PRKCZ: variants seen among roughly 807,000 people sequenced by gnomAD.
PRKCZ encodes protein kinase C zeta.
In PRKCZ, 33 loss-of-function variants were observed where a neutral mutation model predicts 79.5. The observed-to-expected ratio is 0.41, with a 90% confidence interval of 0.31 to 0.55. PRKCZ has a LOEUF of 0.55. Ranked by LOEUF, PRKCZ falls within the 20% of genes least tolerant of loss-of-function variation. The pLI is 0.19. For missense variants in PRKCZ, 578 were observed against 813.5 expected (o/e 0.71, Z 3.52); for synonymous variants, 342 against 320.9 (o/e 1.07, Z -0.70).
At chr1:2,107,988 G>A (rs561473853) in intron 4 of PRKCZ, among the ~76,000 whole-genome samples, 1 of 151,894 alleles carries the variant, frequency 6.6e-6, no homozygotes, top group African/African-American at 2.4e-5. Context: ...TGTCAAGGGA[G>A]CCCCCCAACC....
chr1:2,114,803 T>C (rs1307550403), intron 4 of PRKCZ, among the ~76,000 whole-genome samples: 4 of 152,094 alleles, frequency 2.6e-5, no homozygotes, highest in Non-Finnish European at 4.4e-5. Context: ...AAGAAAAAGC[T>C]AAGATGCAGC....
In PRKCZ at chr1:2,058,282, C is replaced by T. The variant is rs145250688; in HGVS notation, c.284-1259C>T. On this transcript the variant is annotated intron_variant, in intron 3 of 17. Coordinates refer to ENST00000378567, the MANE Select transcript of PRKCZ (RefSeq NM_002744.6). ...CTTCCTGAAGTGTTGGGATTACAGG[C>T]GTGAGCCACGGTGCCCGGCCCCAAT... 3.8e-3 allele frequency among the ~76,000 whole-genome samples: 571 copies of T among 150,360 alleles called. 4 individuals are homozygous for T. The highest frequency in any genetic ancestry group is 0.013 in the African/African-American group (530 of 40,832).
rs76824565 is a variant in PRKCZ at position 2,124,375 on chromosome 1, G to A, written c.335-10887G>A. Among the ~76,000 whole-genome samples, 17 of 18,476 alleles carry A rather than the reference G, an allele frequency of 9.2e-4. 3 individuals carry two copies. The highest frequency in any genetic ancestry group is 2.7e-3 in the African/African-American group (7 of 2,596). 12.1% of individuals were successfully genotyped at this position (18,476 alleles called of 152,430 possible). ...CGGCGGTGGTTAGGGTCACGGCGGC[G>A]GTTAGGGTCACGGCGGTGGTTAGGG... On this transcript the variant is annotated intron_variant, in intron 4 of 17. Coordinates refer to ENST00000378567, the MANE Select transcript of PRKCZ (RefSeq NM_002744.6).
chr1:2,131,904 C>T (rs547790482), intron 4 of PRKCZ, among the ~76,000 whole-genome samples: 23 of 152,308 alleles, frequency 1.5e-4, no homozygotes, highest in African/African-American at 3.8e-4. Context: ...CTCCACCTCC[C>T]GGGTTCACGC....
intron 6 of PRKCZ, 167 bp downstream of exon 6, chr1:2,144,508 G>C: frequency 2.8e-6 from 4 of 1,433,400 alleles, no homozygotes; most frequent in Non-Finnish European, 3.7e-6. Context: ...TCTTGGATAG[G>C]ACCCATCTTC....
chr1:2,174,872 C>A lies in PRKCZ; in HGVS notation c.1485+39C>A. On this transcript the variant is annotated intron_variant, in intron 15 of 17. Coordinates refer to ENST00000378567, the MANE Select transcript of PRKCZ (RefSeq NM_002744.6). This position sits in a 1 kb window ranked among gnomAD's most constrained non-coding sequence, Gnocchi z 6.2. ...CATGCTGACAAAATCTCGTTTGTGG[C>A]CTCGGTGTTGGTGGGCAGAGGGCCA... 1 of 1,596,300 alleles carries A rather than the reference C, an allele frequency of 6.3e-7. No homozygotes were observed. Among genetic ancestry groups the A allele is most frequent in the African/African-American group, 1.3e-5 (1 of 74,654 alleles).
At chr1:2,156,166 G>A (rs1167394931) in intron 10 of PRKCZ, 74 bp downstream of exon 10, 9 of 1,403,244 alleles carry the variant, frequency 6.4e-6, no homozygotes, top group African/African-American at 1.4e-5. Flanking sequence ...AGTCTGGTGT[G>A]ATGTGTCAAC....
At position 2,149,361 on chromosome 1, in the gene PRKCZ, C is replaced by T. The variant is rs1261150117; in HGVS notation, c.687+437C>T. 1.3e-5 allele frequency among the ~76,000 whole-genome samples: 2 copies of T among 152,256 alleles called. No homozygotes were observed. Among genetic ancestry groups the T allele is most frequent in the Non-Finnish European group, 2.9e-5 (2 of 68,042 alleles). On this transcript the variant is annotated intron_variant, in intron 8 of 17. Transcript: ENST00000378567. The surrounding 1 kb of genome is among the most constrained non-coding windows in gnomAD (Gnocchi z 4.1). ...ACTTGAGCCAAGAGGCTCAACTGAG[C>T]CTCACGTCTGTGGCCAGCTCTGCAC...
intron 4 of PRKCZ, chr1:2,111,873 C>G (rs550193368): frequency 1.3e-5 from 2 of 152,394 alleles, no homozygotes; most frequent in South Asian, 4.1e-4. Flanking sequence ...CACCACCAGG[C>G]TTCTGGATGT....
chr1:2,184,523 C>G, intron 16 of PRKCZ, 60 bp from the exon 17 acceptor site: 1 of 1,297,234 alleles, frequency 7.7e-7, no homozygotes, highest in Non-Finnish European at 1.1e-6. Context: ...GTGCAAAACA[C>G]TCAATCTGGT....
intron 9 of PRKCZ, among the ~76,000 whole-genome samples, chr1:2,154,041 G>A (rs1557693127): frequency 6.6e-6 from 1 of 152,174 alleles, no homozygotes; most frequent in African/African-American, 2.4e-5. Context: ...ACTCAGTTTG[G>A]GTGCTGAGTG....
chr1:2,080,102 G>A (rs997442278), intron 4 of PRKCZ, among the ~76,000 whole-genome samples: 5 of 152,184 alleles, frequency 3.3e-5, no homozygotes, highest in African/African-American at 1.2e-4. Context: ...TGGTGGCCAC[G>A]GGGCCCTCTG....
intron 10 of PRKCZ, among the ~76,000 whole-genome samples, chr1:2,161,748 A>G (rs1381706175): frequency 6.6e-6 from 1 of 152,050 alleles, no homozygotes; most frequent in Non-Finnish European, 1.5e-5. Flanking sequence ...AGGTCATGGC[A>G]TCTCCCCTTC....
chr1:2,136,545 C>T (rs1277073626), intron 5 of PRKCZ, among the ~76,000 whole-genome samples: 1 of 152,106 alleles, frequency 6.6e-6, no homozygotes, highest in African/African-American at 2.4e-5. Context: ...AGAGTCCAGC[C>T]AGTGTCTGGG....
intron 4 of PRKCZ, among the ~76,000 whole-genome samples, chr1:2,097,736 G>T (rs1260150584): frequency 6.6e-6 from 1 of 152,220 alleles, no homozygotes. Flanking sequence ...AGTGGCCCAG[G>T]ACTTGGGATG....
Position 2,165,335 on chromosome 1 carries a change from A to G in PRKCZ, c.975-4183A>G, listed in dbSNP as rs530750685. Reference sequence around the variant, plus strand: ...ACAGGACCTGGAAGTGGGGTTTCCAAGTGAGGGTTCTGGGCCCGCCCGAGT... The same window carrying G: ...ACAGGACCTGGAAGTGGGGTTTCCAGGTGAGGGTTCTGGGCCCGCCCGAGT... On this transcript the variant is annotated intron_variant, in intron 10 of 17. Coordinates refer to ENST00000378567, the MANE Select transcript of PRKCZ (RefSeq NM_002744.6). The surrounding 1 kb of genome is among the most constrained non-coding windows in gnomAD (Gnocchi z 4.1). Among the ~76,000 whole-genome samples, 5 of 152,196 alleles carry G rather than the reference A, an allele frequency of 3.3e-5. No individual in the cohort carries two copies. The highest frequency in any genetic ancestry group is 4.1e-4 in the South Asian group (2 of 4,828).
intron 15 of PRKCZ, among the ~76,000 whole-genome samples, 154 bp from the exon 16 acceptor site, chr1:2,175,070 A>C (rs2100400603): frequency 6.6e-6 from 1 of 152,306 alleles, no homozygotes; most frequent in African/African-American, 2.4e-5. Context: ...CGTACGGGGA[A>C]GGAACTTTCA....
Position 2,124,223 on chromosome 1 carries a change from ACGG to A in PRKCZ, c.335-11038_335-11036del, listed in dbSNP as rs1673322770. Among the ~76,000 whole-genome samples, 2 of 122,844 alleles carry A rather than the reference ACGG, an allele frequency of 1.6e-5. 1 individual carries two copies. Among genetic ancestry groups the A allele is most frequent in the African/African-American group, 5.9e-5 (2 of 33,724 alleles). The allele number at this position is 122,844 out of a possible 152,430, so 80.6% of individuals were successfully genotyped here. A position where few individuals can be genotyped will look rare whatever the true frequency, so the allele number is the denominator to read the frequency against. ...TAGGGTCACGGCTGTAGTTAGCGTC[ACGG>A]TGGTGGTTAGGGTCACGGTGGTGGT... On this transcript the variant is annotated intron_variant, in intron 4 of 17. Coordinates refer to ENST00000378567, the MANE Select transcript of PRKCZ (RefSeq NM_002744.6).
intron 4 of PRKCZ, among the ~76,000 whole-genome samples, chr1:2,105,278 C>T (rs1452707561): frequency 1.3e-5 from 2 of 152,186 alleles, no homozygotes; most frequent in Non-Finnish European, 1.5e-5. Flanking sequence ...TGAGGGCCTG[C>T]AGGGTGTTTG....
Sources: allele counts gnomAD v4.1 joint callset (sites outside exome capture counted in the v4.1 genomes callset), GRCh38; gene constraint gnomAD v4.1.1; non-coding constraint Gnocchi (gnomAD v3.1); transcripts MANE v1.5; gene names NCBI Gene and HGNC (gene_info 2026-07-23, HGNC 2026-07-21).